Variants in VAV2 observed in about 807,000 individuals in gnomAD.
VAV2 encodes guanine nucleotide exchange factor VAV2.
VAV2 carries 67 observed loss-of-function variants against 132.5 expected under a neutral mutation model. That is an observed-to-expected ratio of 0.51 (90% CI 0.42 to 0.62). VAV2 has a LOEUF of 0.62. Ranked by LOEUF, VAV2 falls within the 20% of genes least tolerant of loss-of-function variation. The pLI, the probability that VAV2 is intolerant of heterozygous loss-of-function variation, is 0.00. For synonymous variants in VAV2, 492 were observed against 443.5 expected (o/e 1.11, Z -1.37); for missense variants, 938 against 1,153.6 (o/e 0.81, Z 2.71).
chr9:133,795,854 A>C (rs975813063), intron 11 of VAV2, 118 bp from the exon 12 acceptor site: 30 of 1,097,008 alleles, frequency 2.7e-5, no homozygotes, highest in Middle Eastern at 2.9e-4. Flanking sequence ...AGCCACCCCC[A>C]CCCGCCAGCC....
intron 2 of VAV2, among the ~76,000 whole-genome samples, chr9:133,876,440 G>A (rs1838266513): frequency 6.6e-6 from 1 of 152,250 alleles, no homozygotes; most frequent in Non-Finnish European, 1.5e-5. Context: ...GGCCCCCTGG[G>A]ACTGAGGGAG....
chr9:133,825,493 TTTGGAAAAACAATCCTCTGGG>T (rs1025661675), intron 4 of VAV2, among the ~76,000 whole-genome samples: 4 of 152,100 alleles, frequency 2.6e-5, no homozygotes. Context: ...ACTTGTCCCC[TTTGGAAAAACAATCCTCTGGG>T]GTGAACATAA....
chr9:133,871,485 G>C (rs1458561610), intron 2 of VAV2, among the ~76,000 whole-genome samples: 1 of 130,348 alleles, frequency 7.7e-6, no homozygotes, highest in African/African-American at 4.1e-5. Context: ...TGGATGGATG[G>C]ATGGATGGAT....
chr9:133,939,116 C>T lies in VAV2; in HGVS notation c.308G>A (p.Arg103Gln), dbSNP rs766660632. ...GTGACTGCTCACCTTTCCAAAGTCT[C>T]GCACATCGAAGAGGTCAAAGGGGTC... ...LFDPFDLFDV[R>Q]DFGKVISAVS... is the part of the protein sequence containing the mutation. Residue 103 changes from arginine to glutamine, a missense_variant, in exon 2 of 30, where the codon CGA (arginine) becomes CAA (glutamine). Transcript: ENST00000371850. The T allele has an allele frequency of 5.0e-6, 8 of 1,614,024 alleles. No homozygotes were observed. Among genetic ancestry groups the T allele is most frequent in the South Asian group, 2.2e-5 (2 of 91,084 alleles).
chr9:133,854,785 C>A (rs774552392), intron 3 of VAV2, among the ~76,000 whole-genome samples: 1 of 151,982 alleles, frequency 6.6e-6, no homozygotes, highest in Admixed American at 6.6e-5. Context: ...ATTATTGTAA[C>A]GAAAGGAAAG....
chr9:133,978,971 G>A (rs1842603875), intron 1 of VAV2, among the ~76,000 whole-genome samples: 1 of 152,258 alleles, frequency 6.6e-6, no homozygotes, highest in South Asian at 2.1e-4. Flanking sequence ...GGGGGTCAGG[G>A]CAGGGGAGTT....
At chr9:133,903,584 C>T (rs1436673496) in intron 2 of VAV2, among the ~76,000 whole-genome samples, 1 of 152,204 alleles carries the variant, frequency 6.6e-6, no homozygotes, top group Non-Finnish European at 1.5e-5. Context: ...GTTCTCAGGA[C>T]ACAAAGTCGG....
At chr9:133,787,074 C>T (rs1834257004) in intron 16 of VAV2, among the ~76,000 whole-genome samples, 172 bp downstream of exon 16, 1 of 152,174 alleles carries the variant, frequency 6.6e-6, no homozygotes, top group African/African-American at 2.4e-5. Context: ...GCAAGCCTTT[C>T]ATCATGAATA....
intron 8 of VAV2, 22 bp downstream of exon 8, chr9:133,807,236 C>G: frequency 6.2e-7 from 1 of 1,605,468 alleles, no homozygotes; most frequent in South Asian, 1.1e-5. Context: ...CTGGCATGAG[C>G]GATGGGGGCC....
chr9:133,796,416 C>T lies in VAV2; in HGVS notation c.1032+13G>A, dbSNP rs748317575. 2.5e-6 allele frequency: 4 copies of T among 1,610,812 alleles called. No individual in the cohort carries two copies. Among genetic ancestry groups the T allele is most frequent in the Admixed American group, 1.7e-5 (1 of 59,800 alleles). On this transcript the variant is annotated intron_variant, in intron 11 of 29. Coordinates refer to ENST00000371850, the MANE Select transcript of VAV2 (RefSeq NM_001134398.2). ...GTGATGACCCCGCAGGCACCCGGGG[C>T]CCAGAGCCTCACCTTCAAGAGCAGG...
rs10993872 is a variant in VAV2 at position 133,937,424 on chromosome 9, C to G, written c.321+1679G>C. 1.3e-4 allele frequency among the ~76,000 whole-genome samples: 20 copies of G among 149,608 alleles called. No homozygotes were observed. The East Asian group carries it at 3.9e-3, about 29-fold the overall frequency. On this transcript the variant is annotated intron_variant, in intron 2 of 29. Transcript: ENST00000371850. The stretch of plus-strand genomic sequence containing the variant: ...AATGTGTGTGTGTGAGACTGTATGT[C>G]TGTGTGTGTGTGTATGTGAGCTGTG...
At chr9:133,806,687 C>T (rs1428795346) in intron 8 of VAV2, among the ~76,000 whole-genome samples, 1 of 152,224 alleles carries the variant, frequency 6.6e-6, no homozygotes, top group Non-Finnish European at 1.5e-5. Flanking sequence ...CCAGAGCTCA[C>T]CCTTGCAGCT....
At chr9:133,861,487 T>C (rs1286315100) in intron 2 of VAV2, 55 bp from the exon 3 acceptor site, 5 of 1,597,544 alleles carry the variant, frequency 3.1e-6, no homozygotes, top group African/African-American at 1.3e-5. Context: ...CAGAAAGGCA[T>C]CACAGAACTG....
intron 2 of VAV2, among the ~76,000 whole-genome samples, chr9:133,920,930 TG>T (rs1370940207): frequency 6.6e-6 from 1 of 152,226 alleles, no homozygotes; most frequent in Non-Finnish European, 1.5e-5. Context: ...TGGCTGGCCC[TG>T]AGTGCCCTCC....
At chr9:133,903,853 G>A (rs2132020878) in intron 2 of VAV2, among the ~76,000 whole-genome samples, 1 of 152,306 alleles carries the variant, frequency 6.6e-6, no homozygotes, top group African/African-American at 2.4e-5. Flanking sequence ...CAGAGACCCT[G>A]AGCTTGAAAG....
At chr9:133,967,076 A>C (rs1001480558) in intron 1 of VAV2, among the ~76,000 whole-genome samples, 4 of 144,362 alleles carry the variant, frequency 2.8e-5, no homozygotes, top group African/African-American at 1.0e-4. Flanking sequence ...TAATAATAAT[A>C]ATCTGATTTT....
intron 2 of VAV2, among the ~76,000 whole-genome samples, chr9:133,889,346 G>A (rs1336613066): frequency 6.6e-6 from 1 of 152,188 alleles, no homozygotes; most frequent in African/African-American, 2.4e-5. Flanking sequence ...TGCCCACTCT[G>A]GGTGCTAGCT....
At chr9:133,875,481 T>C (rs965591135) in intron 2 of VAV2, among the ~76,000 whole-genome samples, 1 of 152,054 alleles carries the variant, frequency 6.6e-6, no homozygotes, top group Admixed American at 6.5e-5. Flanking sequence ...AACCCAGAAT[T>C]GTAGTCAGAG....
rs756042462 is a variant in VAV2 at position 133,879,300 on chromosome 9, A to C, written c.322-17868T>G. Among the ~76,000 whole-genome samples, 59 of 151,162 alleles carry C rather than the reference A, an allele frequency of 3.9e-4. No homozygotes were observed. The highest frequency in any genetic ancestry group is 2.6e-3 in the Admixed American group (40 of 15,218). ...TGCTAGGGTGACCTCTGGAGCTCCA[A>C]GGAACCAGCAGGGTGTGATCAATGC... is the stretch of plus-strand genomic sequence containing the variant. On this transcript the variant is annotated intron_variant, in intron 2 of 29. Coordinates refer to ENST00000371850, the MANE Select transcript of VAV2 (RefSeq NM_001134398.2). The surrounding 1 kb of genome is among the most constrained non-coding windows in gnomAD (Gnocchi z 4.4).
Sources: gnomAD v4.1 joint callset for allele counts (sites outside exome capture counted in the v4.1 genomes callset) on GRCh38, gnomAD v4.1.1 for gene constraint, Gnocchi (gnomAD v3.1) non-coding constraint, MANE v1.5 for transcripts, NCBI Gene and HGNC (gene_info 2026-07-23, HGNC 2026-07-21) for gene names.